Variants in ZNF729 observed in about 807,000 individuals in gnomAD.
ZNF729 encodes the protein zinc finger protein 729.
In ZNF729, 15 loss-of-function variants were observed where a neutral mutation model predicts 12.2. That is an observed-to-expected ratio of 1.23 (90% CI 0.82 to 1.89). The LOEUF (loss-of-function observed/expected upper bound fraction) is 1.89, where lower values mean the gene tolerates loss of function less well. ZNF729 is among the 40% of genes most tolerant of loss of function. ZNF729 has a pLI of 0.00. For missense variants in ZNF729, 1,540 were observed against 1,456.7 expected (o/e 1.06, Z -0.93); for synonymous variants, 492 against 476.3 (o/e 1.03, Z -0.43).
At position 22,316,846 on chromosome 19, in the gene ZNF729, G is replaced by C. The variant is rs757980881; in HGVS notation, c.3429G>C (p.Gln1143His). 1 of 1,612,466 alleles carries C rather than the reference G, an allele frequency of 6.2e-7. No homozygotes were observed. The highest frequency in any genetic ancestry group is 8.5e-7 in the Non-Finnish European group (1 of 1,179,806). ...KCEECGKAFS[Q>H]SSILTKHKII... ...AAGAATGTGGCAAAGCCTTTAGTCA[G>C]TCCTCAATCCTTACTAAACATAAGA... Residue 1143 changes from glutamine to histidine, a missense_variant, in exon 4 of 4, where the codon CAG (glutamine) becomes CAC (histidine). By Grantham distance (24) the Gln-to-His change is conservative. Coordinates refer to ENST00000601693, the MANE Select transcript of ZNF729 (RefSeq NM_001242680.2).
chr19:22,298,495 A>G (rs1968261179), intron 1 of ZNF729, among the ~76,000 whole-genome samples: 1 of 152,124 alleles, frequency 6.6e-6, no homozygotes, highest in African/African-American at 2.4e-5. Flanking sequence ...AATAGGGATA[A>G]CTATAGGTAA....
chr19:22,299,081 A>G (rs1968270353), intron 1 of ZNF729: 1 of 152,252 alleles, frequency 6.6e-6, no homozygotes, highest in Non-Finnish European at 1.5e-5. Context: ...ATCTTATAAA[A>G]TTCTGCTGAG....
At chr19:22,295,902 A>G (rs1016024924) in intron 1 of ZNF729, among the ~76,000 whole-genome samples, 5 of 152,102 alleles carry the variant, frequency 3.3e-5, no homozygotes, top group Admixed American at 3.3e-4. Context: ...TTTTATCTTT[A>G]ATTCTCTTTA....
Position 22,316,173 on chromosome 19 carries a change from A to T in ZNF729, c.2756A>T (p.His919Leu), listed in dbSNP as rs767015225. 2 of 1,581,074 alleles carry T rather than the reference A, an allele frequency of 1.3e-6. No homozygotes were observed. Among genetic ancestry groups the T allele is most frequent in the South Asian group, 2.2e-5 (2 of 89,846 alleles). Residue 919 changes from histidine (H) to leucine (L), a missense_variant, in exon 4 of 4, where the codon CAT (histidine) becomes CTT (leucine). Coordinates refer to ENST00000601693, the MANE Select transcript of ZNF729 (RefSeq NM_001242680.2). ...GAAGAATGTGGCAAAGCTTTTAAGCATTTCTCAGCCCTTAGAAAACATAAG... is the reference window on the plus strand; with the variant it reads ...GAAGAATGTGGCAAAGCTTTTAAGCTTTTCTCAGCCCTTAGAAAACATAAG... ...KCEECGKAFKHFSALRKHKII... is the reference protein window; with the variant it reads ...KCEECGKAFKLFSALRKHKII...
intron 1 of ZNF729, among the ~76,000 whole-genome samples, chr19:22,290,696 G>A (rs1968140895): frequency 6.6e-6 from 1 of 152,076 alleles, no homozygotes; most frequent in Admixed American, 6.6e-5. Context: ...AGTAATGTTT[G>A]ATTAAGAAGT....
chr19:22,314,182 G>A lies in ZNF729; in HGVS notation c.765G>A (p.Lys255=). Residue 255 remains lysine, a synonymous_variant, in exon 4 of 4, where the codon AAG becomes AAA. Coordinates refer to ENST00000601693, the MANE Select transcript of ZNF729 (RefSeq NM_001242680.2). ...TTTCTTCAACGTTCACTAAACATAA[G>A]AGAATTCATACTGGAGAGACACCTT... ...FKFSSTFTKH[K]RIHTGETPFR... 3 of 1,587,042 alleles carry A rather than the reference G, an allele frequency of 1.9e-6. No individual in the cohort carries two copies. The highest frequency in any genetic ancestry group is 1.7e-4 in the Middle Eastern group (1 of 6,026).
chr19:22,297,028 A>G (rs1053403384), intron 1 of ZNF729, among the ~76,000 whole-genome samples: 5 of 152,134 alleles, frequency 3.3e-5, no homozygotes, highest in Admixed American at 3.3e-4. Context: ...AGTATGTGCC[A>G]TGTGGTGATG....
Position 22,314,616 on chromosome 19 carries a change from G to C in ZNF729, c.1199G>C (p.Gly400Ala). 2 of 1,611,674 alleles carry C rather than the reference G, an allele frequency of 1.2e-6. No homozygotes were observed. The highest frequency in any genetic ancestry group is 1.7e-6 in the Non-Finnish European group (2 of 1,179,786). ...KLTVHKVVHTGEKPYKCEECG... is the reference protein window; with the variant it reads ...KLTVHKVVHTAEKPYKCEECG... ...ACTGTACATAAGGTAGTTCATACTG[G>C]AGAGAAACCCTACAAATGTGAAGAA... The change falls in exon 4 of 4, where the codon GGA becomes GCA. Residue 400 changes from glycine to alanine, a missense_variant. By Grantham distance (60) the Gly-to-Ala change is moderately conservative. Coordinates refer to ENST00000601693, the MANE Select transcript of ZNF729 (RefSeq NM_001242680.2).
At chr19:22,290,935 T>C (rs1045894063) in intron 1 of ZNF729, among the ~76,000 whole-genome samples, 1 of 152,030 alleles carries the variant, frequency 6.6e-6, no homozygotes, top group Non-Finnish European at 1.5e-5. Context: ...TGAGTAGCTG[T>C]ATAATATTAT....
chr19:22,314,313 A>G lies in ZNF729; in HGVS notation c.896A>G (p.Lys299Arg), dbSNP rs768698249. ...ACCTACAAATGTGAAGAATGTGGCA[A>G]AGCTTTTAAGGGGTCCTCAAATTTT... ...EKTYKCEECGKAFKGSSNFNA... is the reference protein window; with the variant it reads ...EKTYKCEECGRAFKGSSNFNA... Residue 299 changes from lysine to arginine, a missense_variant, in exon 4 of 4, where the codon AAA becomes AGA. By Grantham distance (26) the Lys-to-Arg change is conservative. Transcript: ENST00000601693. The G allele has an allele frequency of 6.2e-6, 10 of 1,610,788 alleles. No homozygotes were observed. The Admixed American group carries it at 1.3e-4, about 22-fold the overall frequency.
intron 3 of ZNF729, 145 bp from the exon 4 acceptor site, chr19:22,313,526 A>C (rs777937637): frequency 7.9e-5 from 54 of 686,654 alleles, no homozygotes; most frequent in Middle Eastern, 3.5e-4. Flanking sequence ...TTTTTGTTAC[A>C]TTTATATGTC....
At chr19:22,311,790 A>G (rs1968452811) in intron 3 of ZNF729, among the ~76,000 whole-genome samples, 1 of 152,176 alleles carries the variant, frequency 6.6e-6, no homozygotes, top group African/African-American at 2.4e-5. Context: ...TCAGTAGAGT[A>G]TTGAAGTCCT....
intron 1 of ZNF729, among the ~76,000 whole-genome samples, chr19:22,301,346 CTG>C (rs1380125803): frequency 2.0e-5 from 3 of 152,194 alleles, no homozygotes; most frequent in African/African-American, 7.2e-5. Context: ...CCCAAATAAA[CTG>C]TCAACTTAAA....
At chr19:22,299,127 C>T (rs1264160910) in intron 1 of ZNF729, 1 of 152,196 alleles carries the variant, frequency 6.6e-6, no homozygotes, top group African/African-American at 2.4e-5. Context: ...TCATGTTTCT[C>T]ATGCTGAGAG....
At chr19:22,305,212 C>T (rs949854764) in intron 3 of ZNF729, among the ~76,000 whole-genome samples, 1 of 152,118 alleles carries the variant, frequency 6.6e-6, no homozygotes, top group Non-Finnish European at 1.5e-5. Context: ...TCATAAGCTT[C>T]CTGACCTGAG....
chr19:22,301,593 C>T (rs540036240), intron 1 of ZNF729, among the ~76,000 whole-genome samples: 32 of 152,422 alleles, frequency 2.1e-4, no homozygotes, highest in African/African-American at 7.5e-4. Flanking sequence ...AAGACATTTT[C>T]TGTATTGTGA....
Position 22,314,046 on chromosome 19 carries a change from G to A in ZNF729, c.629G>A (p.Cys210Tyr), listed in dbSNP as rs139546086. ...CATATTAGACAGAATATCTACAAAT[G>A]TGAAGAACGTGGCAAAGCCTTTAAA... ...RIHIRQNIYKCEERGKAFKSF... is the reference protein window; with the variant it reads ...RIHIRQNIYKYEERGKAFKSF... The change falls in exon 4 of 4, where the codon TGT (cysteine) becomes TAT (tyrosine). Residue 210 changes from cysteine to tyrosine, a missense_variant. Coordinates refer to ENST00000601693, the MANE Select transcript of ZNF729 (RefSeq NM_001242680.2). 49 of 1,542,062 alleles carry A rather than the reference G, an allele frequency of 3.2e-5. No homozygotes were observed. The African/African-American group carries it at 5.6e-4, about 18-fold the overall frequency.
rs1555785049 is a variant in ZNF729, at chr19:22,316,321, A to G, written c.2904A>G (p.Glu968=). 1 of 1,613,782 alleles carries G rather than the reference A, an allele frequency of 6.2e-7. No homozygotes were observed. Among genetic ancestry groups the G allele is most frequent in the Non-Finnish European group, 8.5e-7 (1 of 1,179,762 alleles). The part of the protein sequence containing the change: ...HTGKKPYKCA[E]CGKAFKQSSH... ...GGAAGAAACCATACAAATGTGCAGA[A>G]TGTGGCAAAGCTTTTAAGCAATCCT... Residue 968 remains glutamate, a synonymous_variant, in exon 4 of 4, where the codon GAA becomes GAG. Coordinates refer to ENST00000601693, the MANE Select transcript of ZNF729 (RefSeq NM_001242680.2).
At chr19:22,292,498 G>T in intron 1 of ZNF729, among the ~76,000 whole-genome samples, 1 of 152,172 alleles carries the variant, frequency 6.6e-6, no homozygotes, top group Non-Finnish European at 1.5e-5. Context: ...GAGTATAGTG[G>T]CATGATCTCA....
Sources: gnomAD v4.1 joint callset for allele counts (sites outside exome capture counted in the v4.1 genomes callset) on GRCh38, gnomAD v4.1.1 for gene constraint, MANE v1.5 for transcripts, NCBI Gene and HGNC (gene_info 2026-07-23, HGNC 2026-07-21) for gene names.